Variants in RASEF observed in about 807,000 individuals in gnomAD.
RASEF encodes ras and EF-hand domain-containing protein.
RASEF carries 68 observed loss-of-function variants against 90.1 expected under a neutral mutation model. The ratio of observed to expected loss-of-function variants is 0.75; its 90% confidence interval spans 0.62 to 0.92. The LOEUF is 0.92. Among genes scored for constraint, RASEF ranks in the 40% least tolerant of loss-of-function variants. The pLI is 0.00. For synonymous variants in RASEF, 331 were observed against 345.2 expected (o/e 0.96, Z 0.46); for missense variants, 949 against 937.2 (o/e 1.01, Z -0.16).
chr9:83,062,999 G>T lies in RASEF; in HGVS notation c.-132C>A. ...GCTCGTCCGGCTGGTTCGGCCACTT[G>T]AGGGAACGTCGGGCGGGGCGAGGAA... On this transcript the variant is annotated 5_prime_UTR_variant, in exon 1 of 17. Coordinates refer to ENST00000376447, the MANE Select transcript of RASEF (RefSeq NM_152573.4). 1.0e-6 allele frequency: 1 copy of T among 998,984 alleles called. No homozygotes were observed. 61.9% of individuals were successfully genotyped at this position (998,984 alleles called of 1,614,324 possible).
intron 1 of RASEF, among the ~76,000 whole-genome samples, chr9:83,040,749 C>T (rs964088013): frequency 3.9e-5 from 6 of 152,202 alleles, no homozygotes; most frequent in East Asian, 1.9e-4. Context: ...CTGTTTGGTT[C>T]CTCATCACGT....
At chr9:83,155,870 A>G in the RASEF span, among the ~76,000 whole-genome samples, 1 of 152,218 alleles carries the variant, frequency 6.6e-6, no homozygotes. Context: ...AACTGCCAGC[A>G]TGATTTGGTT....
At chr9:83,202,667 T>C in the RASEF span, among the ~76,000 whole-genome samples, 1 of 152,108 alleles carries the variant, frequency 6.6e-6, no homozygotes, top group Non-Finnish European at 1.5e-5. Flanking sequence ...TGTTTGTTTG[T>C]TTTAATTTTT....
intron 1 of RASEF, among the ~76,000 whole-genome samples, chr9:83,046,804 G>A (rs899199673): frequency 2.0e-5 from 3 of 152,150 alleles, no homozygotes; most frequent in African/African-American, 7.2e-5. Context: ...AACAAATCAG[G>A]AAATGCTGCC....
chr9:83,048,168 G>A, intron 1 of RASEF: 3 of 985,378 alleles, frequency 3.0e-6, no homozygotes, highest in South Asian at 4.7e-5. Context: ...ATCAATCACA[G>A]CCCACAGTGT....
the RASEF span, among the ~76,000 whole-genome samples, chr9:83,084,020 A>G: frequency 6.6e-6 from 1 of 152,138 alleles, no homozygotes; most frequent in East Asian, 1.9e-4. Flanking sequence ...AATTTATTTT[A>G]TATTCATATA....
At chr9:83,104,313 T>TA in the RASEF span, among the ~76,000 whole-genome samples, 54 of 152,084 alleles carry the variant, frequency 3.6e-4, no homozygotes, top group South Asian at 1.5e-3. Flanking sequence ...TAAGAATCCT[T>TA]AAAAAAAATC....
chr9:83,112,699 A>C, the RASEF span, among the ~76,000 whole-genome samples: 207 of 152,284 alleles, frequency 1.4e-3, no homozygotes, highest in African/African-American at 4.8e-3. Flanking sequence ...AAAAAAAAAA[A>C]AGTATGTTTT....
At chr9:83,062,129 C>A (rs927742707) in intron 1 of RASEF, among the ~76,000 whole-genome samples, 2 of 152,200 alleles carry the variant, frequency 1.3e-5, no homozygotes, top group South Asian at 2.1e-4. Context: ...AGATGTGGCG[C>A]GCGCGCCTAA....
At chr9:82,999,894 G>A (rs1358191886) in intron 12 of RASEF, among the ~76,000 whole-genome samples, 8 of 151,684 alleles carry the variant, frequency 5.3e-5, no homozygotes, top group South Asian at 2.1e-4. Context: ...ATGAACCACC[G>A]CACCCAGCCA....
chr9:83,028,818 G>A (rs112445382), intron 1 of RASEF, among the ~76,000 whole-genome samples: 46 of 152,226 alleles, frequency 3.0e-4, no homozygotes, highest in African/African-American at 1.1e-3. Context: ...TTGGAAATGG[G>A]TCTTTAAAGA....
the RASEF span, among the ~76,000 whole-genome samples, chr9:83,100,464 T>G: frequency 1.3e-5 from 2 of 152,222 alleles, no homozygotes; most frequent in Admixed American, 1.3e-4. Context: ...GGTGATCATC[T>G]GTTCTCAGCC....
the RASEF span, among the ~76,000 whole-genome samples, chr9:83,186,513 G>A: frequency 6.6e-6 from 1 of 152,098 alleles, no homozygotes; most frequent in Non-Finnish European, 1.5e-5. Context: ...GCCTCCTCCT[G>A]CACGCTGTTC....
intron 15 of RASEF, among the ~76,000 whole-genome samples, chr9:82,990,965 T>C (rs1828802715): frequency 6.6e-6 from 1 of 152,200 alleles, no homozygotes; most frequent in African/African-American, 2.4e-5. Context: ...CCAGCCATAG[T>C]GCATATGATA....
chr9:83,072,853 C>T, the RASEF span, among the ~76,000 whole-genome samples: 1 of 152,172 alleles, frequency 6.6e-6, no homozygotes, highest in East Asian at 1.9e-4. Flanking sequence ...CCCTCACAGA[C>T]ACATACAGGA....
the RASEF span, among the ~76,000 whole-genome samples, chr9:83,206,751 A>C: frequency 0.011 from 1,613 of 152,312 alleles, 23 homozygotes; most frequent in African/African-American, 0.035. Flanking sequence ...CAGGTTATAC[A>C]AGTGCCAACA....
chr9:83,022,282 G>T, intron 3 of RASEF, 54 bp downstream of exon 3: 1 of 1,383,998 alleles, frequency 7.2e-7, no homozygotes, highest in Non-Finnish European at 1.0e-6. Flanking sequence ...GGCCCTCTCC[G>T]TAGAAACCAC....
chr9:83,133,151 T>C, the RASEF span, among the ~76,000 whole-genome samples: 1 of 152,198 alleles, frequency 6.6e-6, no homozygotes, highest in Non-Finnish European at 1.5e-5. Flanking sequence ...ATTTTGTTCC[T>C]AACCTCTTTG....
At chr9:83,149,472 T>C in the RASEF span, among the ~76,000 whole-genome samples, 1 of 152,078 alleles carries the variant, frequency 6.6e-6, no homozygotes, top group Non-Finnish European at 1.5e-5. Flanking sequence ...ATGGCACCCA[T>C]GGAGACTGCC....
Sources: allele counts gnomAD v4.1 joint callset (sites outside exome capture counted in the v4.1 genomes callset), GRCh38; gene constraint gnomAD v4.1.1; transcripts MANE v1.5; gene names NCBI Gene and HGNC (gene_info 2026-07-23, HGNC 2026-07-21).